Variants in TNS3 observed in about 807,000 individuals in gnomAD.
TNS3 encodes tensin-3.
A neutral mutation model predicts 140.9 loss-of-function variants in TNS3; 45 were observed. The ratio of observed to expected loss-of-function variants is 0.32; its 90% CI spans 0.25 to 0.41. The LOEUF is 0.41. TNS3 is among the 10% of genes least tolerant of loss of function. TNS3 has a pLI of 1.00. For synonymous variants in TNS3, 815 were observed against 788.4 expected, an observed-to-expected ratio of 1.03 and a Z score of -0.56; for missense variants, 1,716 against 1,906.7, an observed-to-expected ratio of 0.90 and a Z score of 1.86.
intron 30 of TNS3, chr7:47,278,735 T>G (rs1784987582): frequency 6.5e-6 from 1 of 153,324 alleles, no homozygotes; most frequent in African/African-American, 2.4e-5. Context: ...CTCTCAGGCC[T>G]TGGAAGCCTG....
At chr7:47,436,412 G>A (rs1795184373) in intron 7 of TNS3, among the ~76,000 whole-genome samples, 1 of 151,940 alleles carries the variant, frequency 6.6e-6, no homozygotes, top group African/African-American at 2.4e-5. Flanking sequence ...CCCAAACTTT[G>A]CTGTTGAAAA....
In TNS3 at chr7:47,283,864, G is replaced by A. The variant is rs377266460; in HGVS notation, c.3930C>T (p.Ala1310=). 6 of 1,584,410 alleles carry A rather than the reference G, an allele frequency of 3.8e-6. No individual in the cohort carries two copies. The highest frequency in any genetic ancestry group is 5.1e-6 in the Non-Finnish European group (6 of 1,167,686). Residue 1310 remains alanine, a splice_region_variant and synonymous_variant, in exon 28 of 31, where the codon GCC becomes GCT. Coordinates refer to ENST00000311160, the MANE Select transcript of TNS3 (RefSeq NM_022748.12). ...SAAELLKQGA[A]CNVWYLNSVE... ...CAGAGTTCAAGTACCACACATTGCA[G>A]GCTGGAAGACACCAAGGGAGACACA...
intron 12 of TNS3, 129 bp downstream of exon 12, chr7:47,413,808 T>C: frequency 8.6e-7 from 1 of 1,166,852 alleles, no homozygotes; most frequent in Non-Finnish European, 1.2e-6. Flanking sequence ...GACTCTTCTT[T>C]GGCTTCTTGG....
At chr7:47,291,919 G>T in intron 27 of TNS3, 36 bp downstream of exon 27, 1 of 1,607,268 alleles carries the variant, frequency 6.2e-7, no homozygotes. Context: ...TTTCTCCCCA[G>T]TCACCAGATG....
chr7:47,400,595 A>G, intron 14 of TNS3, 137 bp from the exon 15 acceptor site: 1 of 1,245,350 alleles, frequency 8.0e-7, no homozygotes, highest in South Asian at 1.4e-5. Context: ...TACAGAAAGT[A>G]TAGGCAGTTT....
intron 4 of TNS3, among the ~76,000 whole-genome samples, chr7:47,474,862 CACACA>C (rs1384878936): frequency 1.3e-5 from 2 of 148,514 alleles, no homozygotes; most frequent in African/African-American, 5.0e-5. Context: ...AAACACCTCA[CACACA>C]ACACTTCACA....
At chr7:47,577,206 G>A (rs2152027708) in intron 1 of TNS3, among the ~76,000 whole-genome samples, 1 of 152,312 alleles carries the variant, frequency 6.6e-6, no homozygotes, top group Middle Eastern at 3.4e-3. Flanking sequence ...GTGCCGACAG[G>A]TTGCCGCTCG....
intron 21 of TNS3, among the ~76,000 whole-genome samples, chr7:47,303,935 C>A (rs1278347035): frequency 6.6e-6 from 1 of 152,214 alleles, no homozygotes; most frequent in Non-Finnish European, 1.5e-5. Context: ...AGACGCAGCT[C>A]AGCTGTGCAC....
chr7:47,335,917 G>A (rs908721732), intron 20 of TNS3, among the ~76,000 whole-genome samples: 4 of 152,092 alleles, frequency 2.6e-5, no homozygotes, highest in Admixed American at 2.0e-4. Context: ...CATTTGACCA[G>A]AGAGAGAAGA....
intron 20 of TNS3, among the ~76,000 whole-genome samples, chr7:47,332,840 T>A (rs1343974370): frequency 2.0e-5 from 3 of 151,632 alleles, no homozygotes; most frequent in African/African-American, 7.3e-5. Context: ...CAGAGCCACA[T>A]CTGTCACCAA....
intron 8 of TNS3, among the ~76,000 whole-genome samples, chr7:47,432,338 C>T (rs1414173286): frequency 6.6e-6 from 1 of 152,170 alleles, no homozygotes; most frequent in Non-Finnish European, 1.5e-5. Context: ...GCACCCTCAG[C>T]CCCCTCGCCA....
At chr7:47,359,529 G>A (rs1584476885) in intron 17 of TNS3, among the ~76,000 whole-genome samples, 1 of 152,170 alleles carries the variant, frequency 6.6e-6, no homozygotes, top group Admixed American at 6.5e-5. Context: ...ACTTAAAAAT[G>A]ATTAAAATGC....
intron 4 of TNS3, among the ~76,000 whole-genome samples, chr7:47,442,883 C>T (rs544506702): frequency 2.3e-4 from 35 of 152,334 alleles, no homozygotes; most frequent in African/African-American, 7.9e-4. Context: ...TCAACACCCC[C>T]GATCACACCT....
intron 17 of TNS3, among the ~76,000 whole-genome samples, chr7:47,357,591 G>A (rs777002684): frequency 4.6e-5 from 7 of 152,266 alleles, no homozygotes; most frequent in African/African-American, 1.2e-4. Context: ...TTTTTACAGC[G>A]TAATGTGTTA....
intron 20 of TNS3, among the ~76,000 whole-genome samples, chr7:47,340,878 C>T (rs1361755573): frequency 6.6e-6 from 1 of 152,092 alleles, no homozygotes; most frequent in African/African-American, 2.4e-5. Flanking sequence ...AGCTGTGGGG[C>T]TTTTTAGATG....
At chr7:47,444,249 A>C (rs531765000) in intron 4 of TNS3, among the ~76,000 whole-genome samples, 10 of 152,310 alleles carry the variant, frequency 6.6e-5, no homozygotes, top group Admixed American at 5.9e-4. Flanking sequence ...ATCTGACTAT[A>C]TGTGTCCCAC....
chr7:47,461,548 G>A (rs1042026930), intron 4 of TNS3, among the ~76,000 whole-genome samples: 2 of 152,142 alleles, frequency 1.3e-5, no homozygotes, highest in African/African-American at 4.8e-5. Flanking sequence ...CCCTGTCCAG[G>A]AACATCATTG....
chr7:47,533,831 A>G (rs1433032608), intron 1 of TNS3, among the ~76,000 whole-genome samples: 3 of 152,098 alleles, frequency 2.0e-5, no homozygotes, highest in Non-Finnish European at 4.4e-5. Flanking sequence ...CTGCCATGTG[A>G]GATGTGCCTT....
chr7:47,579,965 G>T, intron 1 of TNS3: 1 of 402,568 alleles, frequency 2.5e-6, no homozygotes. Context: ...TTTGCAAACA[G>T]CTCACTTTCA....
Sources: allele counts gnomAD v4.1 joint callset (sites outside exome capture counted in the v4.1 genomes callset), GRCh38; gene constraint gnomAD v4.1.1; transcripts MANE v1.5; gene names NCBI Gene and HGNC (gene_info 2026-07-23, HGNC 2026-07-21).